The following NFILZ variants were observed in gnomAD, a reference collection of about 807,000 sequenced individuals.
NFILZ encodes NFIL3 like basic leucine zipper, also known as NFIL3 like protein.
intron 3 of NFILZ, among the ~76,000 whole-genome samples, chr19:8,646,823 C>A (rs1455008610): frequency 1.3e-5 from 2 of 152,116 alleles, no homozygotes; most frequent in Non-Finnish European, 2.9e-5. Flanking sequence ...CCTCCTAAAC[C>A]AAGAGCAAAT....
chr19:8,646,130 G>A (rs1757104182), intron 3 of NFILZ, among the ~76,000 whole-genome samples: 1 of 151,846 alleles, frequency 6.6e-6, no homozygotes, highest in African/African-American at 2.4e-5. Context: ...TCTGCCTCCT[G>A]GGTTCAAGTG....
At position 8,656,424 on chromosome 19, in the gene NFILZ, T is replaced by TCCCTGAAGCCCACCTTC. The variant is rs2043000101; in HGVS notation, c.-163-18127_-163-18126insCCCTGAAGCCCACCTTC. On this transcript the variant is annotated intron_variant, in intron 3 of 5. Coordinates refer to ENST00000691075, the MANE Select transcript of NFILZ (RefSeq NM_001378600.1). ...CACCTTCTCTCTGAAACCCACCTCT[T>TCCCTGAAGCCCACCTTC]TCCGCAGCCCACCTTCTCCTCGAAG... Among the ~76,000 whole-genome samples the TCCCTGAAGCCCACCTTC allele has an allele frequency of 1.8e-3, 152 of 83,512 alleles. 22 individuals carry two copies. Among genetic ancestry groups the TCCCTGAAGCCCACCTTC allele is most frequent in the African/African-American group, 5.6e-3 (125 of 22,352 alleles). 54.8% of individuals were successfully genotyped at this position (83,512 alleles called of 152,430 possible).
rs1383950129 is a variant in NFILZ at position 8,678,332 on chromosome 19, A to C, written c.*697A>C. Among the ~76,000 whole-genome samples, 6 of 150,546 alleles carry C rather than the reference A, an allele frequency of 4.0e-5. No individual in the cohort carries two copies. Among genetic ancestry groups the C allele is most frequent in the Non-Finnish European group, 7.4e-5 (5 of 67,718 alleles). On this transcript the variant is annotated 3_prime_UTR_variant, in exon 6 of 6. Transcript: ENST00000691075. ...CTTCCTTCTTTCTATCTAGCCATCC[A>C]TTCTCATTCATCCATGCATTTGTTT...
intron 1 of NFILZ, among the ~76,000 whole-genome samples, 198 bp from the exon 2 acceptor site, chr19:8,632,278 G>GTGTC (rs537843301): frequency 4.9e-4 from 73 of 148,694 alleles, no homozygotes; most frequent in African/African-American, 1.7e-3. Flanking sequence ...GTGTGTGTCA[G>GTGTC]GGGGTTATTT....
At chr19:8,642,319 C>T (rs554929902) in intron 3 of NFILZ, among the ~76,000 whole-genome samples, 2 of 152,280 alleles carry the variant, frequency 1.3e-5, no homozygotes, top group Non-Finnish European at 2.9e-5. Flanking sequence ...ACATGCATGT[C>T]TTTGCCTGTG....
intron 3 of NFILZ, among the ~76,000 whole-genome samples, chr19:8,644,985 G>A (rs778607689): frequency 2.6e-5 from 4 of 151,368 alleles, no homozygotes; most frequent in Admixed American, 6.6e-5. Flanking sequence ...GGCTGGTCTC[G>A]AACTCCTGAC....
intron 3 of NFILZ, chr19:8,638,732 C>T (rs868946315): frequency 6.9e-6 from 1 of 143,986 alleles, no homozygotes; most frequent in Non-Finnish European, 1.5e-5. Context: ...GGGGACCTCC[C>T]GGGGAAGGTG....
intron 2 of NFILZ, among the ~76,000 whole-genome samples, chr19:8,634,999 C>T (rs1163059482): frequency 2.6e-5 from 4 of 151,910 alleles, no homozygotes; most frequent in Non-Finnish European, 5.9e-5. Context: ...AACCCTATAA[C>T]CACAACCTCA....
At chr19:8,648,776 C>T (rs917244200) in intron 3 of NFILZ, among the ~76,000 whole-genome samples, 78 of 151,268 alleles carry the variant, frequency 5.2e-4, no homozygotes, top group African/African-American at 1.8e-3. Context: ...TGGCTTGAAC[C>T]TGGGAGGTGG....
chr19:8,654,684 T>C (rs1484041392), intron 3 of NFILZ, among the ~76,000 whole-genome samples: 2 of 152,072 alleles, frequency 1.3e-5, no homozygotes, highest in Admixed American at 6.6e-5. Flanking sequence ...GAAATAAATA[T>C]CTGTTGAATC....
chr19:8,656,482 C>CAGCCCACCTTCTCTCTGA (rs2043002898), intron 3 of NFILZ, among the ~76,000 whole-genome samples: 1 of 45,562 alleles, frequency 2.2e-5, no homozygotes, highest in Non-Finnish European at 4.4e-5. Context: ...CCTTCTCCCG[C>CAGCCCACCTTCTCTCTGA]AGCCCACCTT....
intron 4 of NFILZ, among the ~76,000 whole-genome samples, chr19:8,675,385 G>C (rs1203036141): frequency 6.6e-6 from 1 of 152,168 alleles, no homozygotes; most frequent in Non-Finnish European, 1.5e-5. Context: ...AAACCAGTGT[G>C]AGAAACTGGG....
intron 3 of NFILZ, among the ~76,000 whole-genome samples, chr19:8,642,173 T>C (rs1351920224): frequency 1.3e-5 from 2 of 148,960 alleles, no homozygotes; most frequent in Non-Finnish European, 1.5e-5. Context: ...CCGTTCTCTT[T>C]TTTTTTTTTT....
At chr19:8,658,002 G>A (rs1370072485) in intron 3 of NFILZ, among the ~76,000 whole-genome samples, 1 of 152,136 alleles carries the variant, frequency 6.6e-6, no homozygotes, top group African/African-American at 2.4e-5. Flanking sequence ...TCTCCCTGGC[G>A]AGGGGGGAAC....
In NFILZ at chr19:8,677,262, C is replaced by T. The variant is rs1399628419; in HGVS notation, c.497C>T (p.Thr166Ile). The change falls in exon 6 of 6, where the codon ACT becomes ATT. Residue 166 changes from threonine (T) to isoleucine (I), a missense_variant. Thr to Ile is a moderately conservative substitution (Grantham distance 89). Transcript: ENST00000691075. ...GCTCCCAGATGGACTGGCTTGGCCA[C>T]TTCTCCTAGGTCCCCCCAAGAGTCT... is the stretch of plus-strand genomic sequence containing the variant. ...LLAPRWTGLA[T>I]SPRSPQESAS... Among the ~76,000 whole-genome samples, 2 of 152,220 alleles carry T rather than the reference C, an allele frequency of 1.3e-5. No individual in the cohort carries two copies. The highest frequency in any genetic ancestry group is 2.4e-5 in the African/African-American group (1 of 41,460).
intron 3 of NFILZ, among the ~76,000 whole-genome samples, chr19:8,673,604 G>C (rs2043097974): frequency 6.6e-6 from 1 of 152,204 alleles, no homozygotes; most frequent in Non-Finnish European, 1.5e-5. Context: ...GGATTTCTCA[G>C]AGGGGGTCCC....
intron 3 of NFILZ, among the ~76,000 whole-genome samples, chr19:8,664,560 C>G (rs1159693400): frequency 6.6e-6 from 1 of 152,132 alleles, no homozygotes; most frequent in Non-Finnish European, 1.5e-5. Flanking sequence ...AGAAGCGTCT[C>G]GGTTTTAGAG....
intron 5 of NFILZ, among the ~76,000 whole-genome samples, 73 bp downstream of exon 5, chr19:8,676,529 G>T (rs58345519): frequency 0.21 from 31,781 of 151,956 alleles, 3,521 homozygotes; most frequent in South Asian, 0.35. Flanking sequence ...TCATGATGAC[G>T]GTGGTCTGCT....
chr19:8,668,357 C>G (rs1216822720), intron 3 of NFILZ, among the ~76,000 whole-genome samples: 8 of 151,578 alleles, frequency 5.3e-5, no homozygotes, highest in African/African-American at 1.9e-4. Context: ...GATATGGAAC[C>G]CGAGGATACA....
Sources: allele counts gnomAD v4.1 joint callset (sites outside exome capture counted in the v4.1 genomes callset), GRCh38; gene constraint gnomAD v4.1.1; transcripts MANE v1.5; gene names NCBI Gene and HGNC (gene_info 2026-07-23, HGNC 2026-07-21).